GART: variants seen among roughly 807,000 people sequenced by gnomAD.
GART encodes trifunctional purine biosynthetic protein adenosine-3.
A neutral mutation model predicts 107.2 loss-of-function variants in GART; 43 were observed. That is an observed-to-expected ratio of 0.40 (90% CI 0.31 to 0.52). GART has a LOEUF of 0.52. Ranked by LOEUF, GART falls within the 20% of genes least tolerant of loss-of-function variation. The probability of loss-of-function intolerance (pLI) is 0.52; values close to 1 mark genes in which losing one functional copy is unlikely to be tolerated. For synonymous variants in GART, 434 were observed against 427.0 expected (o/e 1.02, Z -0.20); for missense variants, 1,107 against 1,206.5 (o/e 0.92, Z 1.22).
chr21:33,517,292 C>T (rs1481516767), intron 15 of GART, 65 bp downstream of exon 15: 1 of 1,599,428 alleles, frequency 6.3e-7, no homozygotes, highest in South Asian at 1.1e-5. Flanking sequence ...TAATCAGAGA[C>T]TAAAACCACT....
chr21:33,536,699 C>G (rs1003152439), intron 2 of GART, among the ~76,000 whole-genome samples: 1 of 152,110 alleles, frequency 6.6e-6, no homozygotes, highest in African/African-American at 2.4e-5. Context: ...TTAAGTAAAA[C>G]AGGGTTACCT....
intron 4 of GART, 74 bp downstream of exon 4, chr21:33,534,505 G>C (rs2085266345): frequency 6.6e-7 from 1 of 1,517,596 alleles, no homozygotes; most frequent in South Asian, 1.2e-5. Context: ...GTGAGCTACT[G>C]TGCCTGGCCA....
intron 10 of GART, 84 bp from the exon 11 acceptor site, chr21:33,525,084 CTTTTTTT>C: frequency 7.3e-7 from 1 of 1,364,302 alleles, no homozygotes; most frequent in African/African-American, 1.5e-5. Context: ...CCACAAGTTT[CTTTTTTT>C]TTTTTTTTAA....
chr21:33,516,686 T>C (rs2145702431), intron 16 of GART, among the ~76,000 whole-genome samples: 1 of 152,294 alleles, frequency 6.6e-6, no homozygotes, highest in African/African-American at 2.4e-5. Flanking sequence ...TAACATTTCC[T>C]TTCCTGGTGT....
At chr21:33,519,165 G>C in intron 14 of GART, 1 of 246,928 alleles carries the variant, frequency 4.0e-6, no homozygotes, top group South Asian at 4.9e-5. Context: ...ACTAGGGTTG[G>C]TGCTCAAGGG....
chr21:33,533,216 G>A (rs1471120808), intron 4 of GART, among the ~76,000 whole-genome samples: 5 of 152,020 alleles, frequency 3.3e-5, no homozygotes, highest in South Asian at 2.1e-4. Context: ...GAGGCGGGCG[G>A]ATCACGAGGT....
At chr21:33,530,286 T>C (rs1350158406) in intron 7 of GART, among the ~76,000 whole-genome samples, 3 of 152,278 alleles carry the variant, frequency 2.0e-5, no homozygotes, top group Admixed American at 6.5e-5. Flanking sequence ...CTGATCTGAC[T>C]TGGTTCTCAA....
chr21:33,527,108 T>C (rs2085087726), intron 10 of GART, among the ~76,000 whole-genome samples: 1 of 152,234 alleles, frequency 6.6e-6, no homozygotes, highest in African/African-American at 2.4e-5. Flanking sequence ...ATTTCTTTCT[T>C]TGTCCATATT....
chr21:33,538,918 C>A (rs1340581830), intron 2 of GART, among the ~76,000 whole-genome samples: 1 of 152,032 alleles, frequency 6.6e-6, no homozygotes, highest in African/African-American at 2.4e-5. Context: ...GTAGCTGGGA[C>A]TACAGGCACC....
intron 6 of GART, 113 bp downstream of exon 6, chr21:33,531,376 G>T: frequency 1.2e-6 from 1 of 868,140 alleles, no homozygotes. Flanking sequence ...TGTAACTGCT[G>T]GGTTTATGTT....
chr21:33,504,071 G>T lies in GART; in HGVS notation c.*53C>A. On this transcript the variant is annotated 3_prime_UTR_variant, in exon 22 of 22. Transcript: ENST00000381815. The stretch of plus-strand genomic sequence containing the variant: ...CAAGTCCATGATAAAAAACCACCAT[G>T]CAAACAGCAAATAATTCTTTCTAAA... 6.7e-7 allele frequency: 1 copy of T among 1,500,080 alleles called. No individual in the cohort carries two copies. 92.9% of individuals were successfully genotyped at this position (1,500,080 alleles called of 1,614,324 possible).
chr21:33,508,553 C>T (rs2084726773), intron 18 of GART, among the ~76,000 whole-genome samples: 1 of 127,106 alleles, frequency 7.9e-6, no homozygotes, highest in African/African-American at 2.9e-5. Context: ...GAGTCTTGCT[C>T]TGTCTCCAGG....
intron 1 of GART, among the ~76,000 whole-genome samples, chr21:33,541,336 G>GGGGTTTCACTACGTTGGCCA (rs1601240052): frequency 6.6e-6 from 1 of 152,112 alleles, no homozygotes; most frequent in East Asian, 1.9e-4. Flanking sequence ...TAGTAGCGAC[G>GGGGTTTCACTACGTTGGCCA]GGGTTTCACT....
intron 18 of GART, among the ~76,000 whole-genome samples, chr21:33,507,276 T>G (rs750032328): frequency 6.6e-6 from 1 of 152,142 alleles, no homozygotes; most frequent in East Asian, 1.9e-4. Flanking sequence ...GTCATTAAGT[T>G]AAGTGAAATA....
intron 11 of GART, chr21:33,524,103 A>C (rs1337026020): frequency 1.0e-6 from 1 of 985,226 alleles, no homozygotes; most frequent in African/African-American, 1.7e-5. Flanking sequence ...TTAGTAATAG[A>C]TACAAACGCA....
chr21:33,539,415 G>A (rs756830695), intron 1 of GART, 59 bp from the exon 2 acceptor site: 28 of 1,333,818 alleles, frequency 2.1e-5, no homozygotes, highest in Middle Eastern at 1.9e-4. Context: ...ACCCAGGGAC[G>A]GGCACAGTGG....
At chr21:33,507,281 G>A (rs1366268370) in intron 18 of GART, among the ~76,000 whole-genome samples, 1 of 152,164 alleles carries the variant, frequency 6.6e-6, no homozygotes, top group East Asian at 1.9e-4. Flanking sequence ...TAAGTTAAGT[G>A]AAATAAGTCA....
At chr21:33,505,790 T>C in intron 19 of GART, 88 bp from the exon 20 acceptor site, 1 of 1,366,984 alleles carries the variant, frequency 7.3e-7, no homozygotes, top group Non-Finnish European at 1.0e-6. Flanking sequence ...CATACTTCAC[T>C]TCCTTGTAAA....
intron 14 of GART, chr21:33,518,940 G>A (rs1322141148): frequency 2.2e-6 from 1 of 461,782 alleles, no homozygotes; most frequent in South Asian, 1.6e-5. Flanking sequence ...ATTTTAGGTT[G>A]TTAAAGTGGA....
Sources: allele counts gnomAD v4.1 joint callset (sites outside exome capture counted in the v4.1 genomes callset), GRCh38; gene constraint gnomAD v4.1.1; transcripts MANE v1.5; gene names NCBI Gene and HGNC (gene_info 2026-07-23, HGNC 2026-07-21).